KIF6: variants seen among roughly 807,000 people sequenced by gnomAD.
KIF6 encodes kinesin-like protein KIF6.
Under a neutral mutation model 112.7 loss-of-function variants are expected in KIF6, and 106 were observed. The ratio of observed to expected loss-of-function variants is 0.94; its 90% CI spans 0.80 to 1.11. The LOEUF is 1.11. Among genes scored for constraint, KIF6 ranks in the 50% least tolerant of loss-of-function variants. The pLI is 0.00. For missense variants in KIF6, 929 were observed against 964.0 expected, an observed-to-expected ratio of 0.96 and a Z score of 0.48; for synonymous variants, 339 against 339.9, an observed-to-expected ratio of 1.00 and a Z score of 0.03.
intron 19 of KIF6, among the ~76,000 whole-genome samples, chr6:39,356,422 C>T (rs932933286): frequency 6.6e-6 from 1 of 152,006 alleles, no homozygotes; most frequent in Non-Finnish European, 1.5e-5. Context: ...TGTGCCACCG[C>T]ACCTGGCTAA....
Position 39,343,025 on chromosome 6 carries a change from T to C in KIF6, c.2428+684A>G, listed in dbSNP as rs2113896414. The C allele has an allele frequency of 1.0e-6, 1 of 985,300 alleles. No individual in the cohort carries two copies. Among genetic ancestry groups the C allele is most frequent in the Non-Finnish European group, 1.2e-6 (1 of 829,922 alleles). 61.0% of individuals were successfully genotyped at this position (985,300 alleles called of 1,614,324 possible). A position where few individuals can be genotyped will look rare whatever the true frequency, so the allele number is the denominator to read the frequency against. On this transcript the variant is annotated intron_variant, in intron 22 of 22. Transcript: ENST00000287152. The surrounding 1 kb of genome is among the most constrained non-coding windows in gnomAD (Gnocchi z 4.1). ...TTATGGGGAGGAGGCTAAGACAAAA[T>C]GCAGGCCTGGGGTAAGGGGCCCTGG...
intron 10 of KIF6, among the ~76,000 whole-genome samples, chr6:39,551,721 T>G (rs1779393863): frequency 6.6e-6 from 1 of 152,126 alleles, no homozygotes. Flanking sequence ...TAGGAAGAAT[T>G]GAGAGAATAG....
In KIF6 at chr6:39,648,736, G is replaced by A. The variant is rs145805749; in HGVS notation, c.252-8979C>T. On this transcript the variant is annotated intron_variant, in intron 3 of 22. Coordinates refer to ENST00000287152, the MANE Select transcript of KIF6 (RefSeq NM_145027.6). ...TCACAGTGCAGTCCATGCGAATGCC[G>A]GTGCCCCCTCACCTTTGTGCAGTGC... Among the ~76,000 whole-genome samples, 6 of 152,298 alleles carry A rather than the reference G, an allele frequency of 3.9e-5. No homozygotes were observed. In the East Asian group the frequency reaches 7.7e-4, roughly 20 times the overall value.
intron 10 of KIF6, among the ~76,000 whole-genome samples, chr6:39,572,787 T>C (rs1010312765): frequency 6.7e-6 from 1 of 150,284 alleles, no homozygotes; most frequent in Non-Finnish European, 1.5e-5. Flanking sequence ...TATCCAGCTG[T>C]CTCTTTTCAA....
At chr6:39,472,794 C>A (rs1774196906) in intron 13 of KIF6, among the ~76,000 whole-genome samples, 1 of 152,118 alleles carries the variant, frequency 6.6e-6, no homozygotes, top group Non-Finnish European at 1.5e-5. Flanking sequence ...CACCACACAC[C>A]TTTTGTTTTG....
rs1283762979 is a variant in KIF6, at chr6:39,713,222, G to A, written c.251+1470C>T. On this transcript the variant is annotated intron_variant, in intron 3 of 22. Coordinates refer to ENST00000287152, the MANE Select transcript of KIF6 (RefSeq NM_145027.6). ...TGAGAAGGAATGGAGAACCAGGAGA[G>A]TGTGACAAGTGAACAAAGTATTTGG... Among the ~76,000 whole-genome samples, 4 of 152,192 alleles carry A rather than the reference G, an allele frequency of 2.6e-5. No individual in the cohort carries two copies. The East Asian group carries it at 7.7e-4, about 29-fold the overall frequency.
intron 3 of KIF6, among the ~76,000 whole-genome samples, chr6:39,711,572 T>G (rs1328159521): frequency 6.6e-6 from 1 of 152,062 alleles, no homozygotes; most frequent in Non-Finnish European, 1.5e-5. Flanking sequence ...AAAATCTCAC[T>G]ATGTTGCCCA....
chr6:39,534,822 G>A (rs1288700706), intron 13 of KIF6, among the ~76,000 whole-genome samples: 2 of 151,244 alleles, frequency 1.3e-5, no homozygotes, highest in Non-Finnish European at 2.9e-5. Context: ...GAAAGGTTGG[G>A]TTACCCACAA....
intron 5 of KIF6, among the ~76,000 whole-genome samples, chr6:39,631,654 T>C (rs1784356466): frequency 6.6e-6 from 1 of 152,072 alleles, no homozygotes; most frequent in Admixed American, 6.6e-5. Context: ...CAATTGTCAA[T>C]ATTTTGTTGA....
chr6:39,422,395 C>A (rs1322669678), intron 14 of KIF6, among the ~76,000 whole-genome samples: 2 of 152,146 alleles, frequency 1.3e-5, no homozygotes, highest in African/African-American at 4.8e-5. Context: ...TGTGGAAAGC[C>A]ACGAGCTGTT....
chr6:39,423,865 C>A (rs1480054701), intron 14 of KIF6, among the ~76,000 whole-genome samples: 1 of 152,168 alleles, frequency 6.6e-6, no homozygotes, highest in Non-Finnish European at 1.5e-5. Context: ...GCCATCTCTC[C>A]CAGATTATTG....
At chr6:39,552,210 T>C (rs1195308619) in intron 10 of KIF6, among the ~76,000 whole-genome samples, 1 of 152,212 alleles carries the variant, frequency 6.6e-6, no homozygotes, top group Non-Finnish European at 1.5e-5. Context: ...CCCTTGATAG[T>C]CAACCATGTC....
At chr6:39,398,965 C>T (rs1269476997) in intron 15 of KIF6, among the ~76,000 whole-genome samples, 4 of 152,196 alleles carry the variant, frequency 2.6e-5, no homozygotes, top group Non-Finnish European at 5.9e-5. Flanking sequence ...GAGTGGGCCT[C>T]ACCCAGTCAG....
intron 13 of KIF6, among the ~76,000 whole-genome samples, chr6:39,485,721 A>G (rs573847970): frequency 6.6e-6 from 1 of 152,270 alleles, no homozygotes; most frequent in East Asian, 1.9e-4. Flanking sequence ...AACACAACAA[A>G]CAGCAAGCCA....
chr6:39,338,329 T>G (rs1763141231), intron 22 of KIF6, among the ~76,000 whole-genome samples: 1 of 152,172 alleles, frequency 6.6e-6, no homozygotes, highest in Admixed American at 6.5e-5. Flanking sequence ...AAAGGGTAAT[T>G]CTTGGTGATA....
chr6:39,559,792 C>A (rs1292729810), intron 10 of KIF6, among the ~76,000 whole-genome samples: 2 of 150,664 alleles, frequency 1.3e-5, no homozygotes, highest in Non-Finnish European at 3.0e-5. Context: ...TGGATTTTGG[C>A]CTTTGAAAAC....
chr6:39,570,106 C>T (rs1044478975), intron 10 of KIF6, among the ~76,000 whole-genome samples: 9 of 152,056 alleles, frequency 5.9e-5, no homozygotes, highest in Non-Finnish European at 8.8e-5. Context: ...TTTTATAATA[C>T]TATGTGTTTG....
At chr6:39,389,550 C>T (rs1275358956) in intron 15 of KIF6, among the ~76,000 whole-genome samples, 3 of 152,150 alleles carry the variant, frequency 2.0e-5, no homozygotes, top group Non-Finnish European at 4.4e-5. Context: ...ATAGGTGGCC[C>T]GTGTGCTCTT....
chr6:39,680,754 A>C (rs1787463855), intron 3 of KIF6, among the ~76,000 whole-genome samples: 1 of 152,220 alleles, frequency 6.6e-6, no homozygotes, highest in Non-Finnish European at 1.5e-5. Context: ...AGTGGTTATA[A>C]AAGTAAGGCA....
Sources: allele counts gnomAD v4.1 joint callset (sites outside exome capture counted in the v4.1 genomes callset), GRCh38; gene constraint gnomAD v4.1.1; non-coding constraint Gnocchi (gnomAD v3.1); transcripts MANE v1.5; gene names NCBI Gene and HGNC (gene_info 2026-07-23, HGNC 2026-07-21).